TBCK: variants seen among roughly 807,000 people sequenced by gnomAD.
The protein encoded by TBCK is TBC1 domain containing kinase.
In TBCK, 99 loss-of-function variants were observed where a neutral mutation model predicts 113.4. The observed-to-expected ratio is 0.87, with a 90% confidence interval of 0.74 to 1.03. The LOEUF (loss-of-function observed/expected upper bound fraction) is 1.03, where lower values mean the gene tolerates loss of function less well. TBCK is among the 50% of genes least tolerant of loss of function. The pLI is 0.00. For missense variants in TBCK, 1,045 were observed against 1,061.3 expected, an observed-to-expected ratio of 0.98 and a Z score of 0.21; for synonymous variants, 369 against 370.8, an observed-to-expected ratio of 1.00 and a Z score of 0.05.
chr4:106,253,144 T>A (rs1488182806), intron 5 of TBCK, among the ~76,000 whole-genome samples: 1 of 152,136 alleles, frequency 6.6e-6, no homozygotes, highest in African/African-American at 2.4e-5. Flanking sequence ...GTGTTTGTCA[T>A]TCTCTTCCAT....
intron 3 of TBCK, among the ~76,000 whole-genome samples, chr4:106,276,467 T>G (rs1372742227): frequency 6.6e-6 from 1 of 152,194 alleles, no homozygotes; most frequent in African/African-American, 2.4e-5. Context: ...GTCCCAGCTA[T>G]TTGGGAGGCT....
chr4:106,292,666 AG>A (rs774635881), intron 3 of TBCK, among the ~76,000 whole-genome samples: 1 of 152,138 alleles, frequency 6.6e-6, no homozygotes, highest in Non-Finnish European at 1.5e-5. Flanking sequence ...TCTTAAACAC[AG>A]AAGTAGGTGG....
At chr4:106,051,612 T>G (rs17200445) in intron 25 of TBCK, among the ~76,000 whole-genome samples, 48,583 of 151,328 alleles carry the variant, frequency 0.32, 7,929 homozygotes, top group African/African-American at 0.36. Flanking sequence ...CTGGAATGCT[T>G]AATATGACAC....
At chr4:106,073,787 GC>G (rs1224743205) in intron 25 of TBCK, among the ~76,000 whole-genome samples, 3 of 152,104 alleles carry the variant, frequency 2.0e-5, no homozygotes, top group Non-Finnish European at 4.4e-5. Flanking sequence ...GAGCTTCCTG[GC>G]TGCTTTGTTT....
chr4:106,248,967 G>C lies in TBCK; in HGVS notation c.674C>G (p.Thr225Ser), dbSNP rs1383178106. The change falls in exon 8 of 26, where the codon ACT (threonine) becomes AGT (serine). Residue 225 changes from threonine (T) to serine (S), a missense_variant. Thr to Ser is a moderately conservative substitution (Grantham distance 58). Coordinates refer to ENST00000394708, the MANE Select transcript of TBCK (RefSeq NM_001163435.3). ...ATGCTCTTCAGCCAGAACTATTAAA[G>C]TGTCATCTACACAATCTATAAAACA... ...FLLTLDCVDD[T>S]LIVLAEEHGC... 6.2e-7 allele frequency: 1 copy of C among 1,606,004 alleles called. No individual in the cohort carries two copies. Among genetic ancestry groups the C allele is most frequent in the Non-Finnish European group, 8.5e-7 (1 of 1,177,126 alleles).
chr4:106,120,376 G>A (rs1477373105), intron 23 of TBCK, among the ~76,000 whole-genome samples: 1 of 152,156 alleles, frequency 6.6e-6, no homozygotes, highest in East Asian at 1.9e-4. Flanking sequence ...CAAGGCGGCA[G>A]CGAGGCTGGG....
intron 11 of TBCK, among the ~76,000 whole-genome samples, chr4:106,242,856 C>T (rs1007529735): frequency 3.4e-5 from 4 of 118,632 alleles, no homozygotes; most frequent in African/African-American, 1.3e-4. Context: ...AAAGCTATCC[C>T]TCCCCCTCCC....
intron 23 of TBCK, among the ~76,000 whole-genome samples, chr4:106,117,279 C>T (rs980381388): frequency 6.6e-6 from 1 of 152,086 alleles, no homozygotes; most frequent in African/African-American, 2.4e-5. Context: ...TTAATTTTAA[C>T]TCAGGTAATA....
At chr4:106,312,099 T>A (rs1454069473) in intron 1 of TBCK, among the ~76,000 whole-genome samples, 1 of 152,064 alleles carries the variant, frequency 6.6e-6, no homozygotes, top group African/African-American at 2.4e-5. Flanking sequence ...TAAAAACATC[T>A]GCATATCCAA....
intron 23 of TBCK, among the ~76,000 whole-genome samples, chr4:106,135,359 T>C (rs1746434631): frequency 6.6e-6 from 1 of 152,060 alleles, no homozygotes; most frequent in South Asian, 2.1e-4. Context: ...GCAGAGAAGG[T>C]AAAAACCTGC....
intron 23 of TBCK, among the ~76,000 whole-genome samples, chr4:106,121,335 A>C (rs1285710761): frequency 6.7e-6 from 1 of 149,290 alleles, no homozygotes. Context: ...TATCCTAAAT[A>C]TATATGCACC....
intron 24 of TBCK, among the ~76,000 whole-genome samples, chr4:106,112,519 G>T (rs1742985085): frequency 6.6e-6 from 1 of 152,106 alleles, no homozygotes; most frequent in Non-Finnish European, 1.5e-5. Flanking sequence ...CGCTCAGAGG[G>T]CTGAGATTGG....
At chr4:106,293,761 T>C (rs1765970948) in intron 3 of TBCK, among the ~76,000 whole-genome samples, 2 of 152,220 alleles carry the variant, frequency 1.3e-5, no homozygotes, top group Non-Finnish European at 2.9e-5. Context: ...TTGAAAAAGA[T>C]TTTTCATCTA....
At chr4:106,315,491 A>G (rs3762947) in intron 1 of TBCK, 26,335 of 152,168 alleles carry the variant, frequency 0.17, 2,314 homozygotes, top group South Asian at 0.25. Context: ...CAGGACAGGG[A>G]TCCTTGAAAA....
At chr4:106,221,664 A>C (rs1381877976) in intron 19 of TBCK, among the ~76,000 whole-genome samples, 2 of 151,344 alleles carry the variant, frequency 1.3e-5, no homozygotes, top group African/African-American at 2.5e-5. Context: ...ATTCAAGAGT[A>C]GTTACAAAAA....
intron 22 of TBCK, among the ~76,000 whole-genome samples, chr4:106,173,830 G>A (rs1054276647): frequency 6.7e-6 from 1 of 148,522 alleles, no homozygotes; most frequent in Non-Finnish European, 1.5e-5. Flanking sequence ...CTCCTACAAA[G>A]TAATCTCTCA....
intron 25 of TBCK, among the ~76,000 whole-genome samples, chr4:106,066,567 T>C (rs974740440): frequency 6.6e-6 from 1 of 151,982 alleles, no homozygotes; most frequent in Non-Finnish European, 1.5e-5. Context: ...TTTTTAAGTG[T>C]AGAATTCAGT....
At chr4:106,123,112 T>G (rs1744662152) in intron 23 of TBCK, among the ~76,000 whole-genome samples, 2 of 152,192 alleles carry the variant, frequency 1.3e-5, no homozygotes, top group Admixed American at 1.3e-4. Flanking sequence ...GACATGAGTG[T>G]ATATCTAGAA....
At chr4:106,120,711 C>T (rs1744226156) in intron 23 of TBCK, among the ~76,000 whole-genome samples, 1 of 152,196 alleles carries the variant, frequency 6.6e-6, no homozygotes, top group African/African-American at 2.4e-5. Flanking sequence ...GGCACACTGA[C>T]ACCTCACACG....
Sources: allele counts gnomAD v4.1 joint callset (sites outside exome capture counted in the v4.1 genomes callset), GRCh38; gene constraint gnomAD v4.1.1; transcripts MANE v1.5; gene names NCBI Gene and HGNC (gene_info 2026-07-23, HGNC 2026-07-21).